APBB2: variants seen among roughly 807,000 people sequenced by gnomAD.
APBB2 encodes the protein amyloid beta precursor protein binding family B member 2, also known as Fe65-like 1.
In APBB2, 38 loss-of-function variants were observed where a neutral mutation model predicts 82.5. The observed-to-expected ratio is 0.46, with a 90% CI of 0.36 to 0.60. The LOEUF (loss-of-function observed/expected upper bound fraction) is 0.60, where lower values mean the gene tolerates loss of function less well. Ranked by LOEUF, APBB2 falls within the 20% of genes least tolerant of loss-of-function variation. APBB2 has a pLI of 0.00. For synonymous variants in APBB2, 341 were observed against 368.2 expected, an observed-to-expected ratio of 0.93 and a Z score of 0.85; for missense variants, 772 against 972.3, an observed-to-expected ratio of 0.79 and a Z score of 2.74.
At chr4:41,028,312 G>A (rs1340957524) in intron 5 of APBB2, among the ~76,000 whole-genome samples, 1 of 152,232 alleles carries the variant, frequency 6.6e-6, no homozygotes, top group Non-Finnish European at 1.5e-5. Flanking sequence ...ATTTCAGGGG[G>A]CACATGGCCA....
chr4:41,030,037 T>A (rs1449949188), intron 5 of APBB2, among the ~76,000 whole-genome samples: 1 of 152,136 alleles, frequency 6.6e-6, no homozygotes, highest in Non-Finnish European at 1.5e-5. Flanking sequence ...ATGCCTGTAG[T>A]CCCAGCTACT....
At position 41,064,054 on chromosome 4, in the gene APBB2, C is replaced by G. The variant is rs369369930; in HGVS notation, c.-51+1522G>C. Among the ~76,000 whole-genome samples, 79 of 147,368 alleles carry G rather than the reference C, an allele frequency of 5.4e-4. 1 individual carries two copies. The highest frequency in any genetic ancestry group is 1.8e-3 in the African/African-American group (72 of 39,824). On this transcript the variant is annotated intron_variant, in intron 4 of 17. Transcript: ENST00000508593. The stretch of plus-strand genomic sequence containing the variant: ...AGTGCAGTGGCGCGATCTCGGTTCA[C>G]TGCAAGCTCCGCTTCCCGGGTTCAC...
At chr4:40,996,541 C>T (rs760969459) in intron 6 of APBB2, among the ~76,000 whole-genome samples, 44 of 152,308 alleles carry the variant, frequency 2.9e-4, no homozygotes, top group South Asian at 8.3e-4. Context: ...CAGTCCTTGG[C>T]TATTATTCCC....
chr4:40,857,178 C>T, intron 12 of APBB2: 4 of 981,266 alleles, frequency 4.1e-6, no homozygotes, highest in Non-Finnish European at 4.8e-6. Flanking sequence ...GCCCGCGCCT[C>T]CCTGCGCCCT....
intron 2 of APBB2, chr4:41,118,026 C>G (rs1338292300): frequency 6.7e-6 from 1 of 150,358 alleles, no homozygotes; most frequent in African/African-American, 2.4e-5. Context: ...CTGGGCAACA[C>G]GGAGAAACTG....
intron 6 of APBB2, among the ~76,000 whole-genome samples, chr4:41,001,231 T>TG (rs199747896): frequency 0.011 from 1,646 of 152,302 alleles, 24 homozygotes; most frequent in African/African-American, 0.038. Context: ...TACAACATTT[T>TG]GGGGAAAGGT....
chr4:40,982,659 T>C (rs1799398294), intron 6 of APBB2, among the ~76,000 whole-genome samples: 1 of 151,010 alleles, frequency 6.6e-6, no homozygotes, highest in Admixed American at 6.6e-5. Context: ...TTAGAGGTGA[T>C]ACACACCTCT....
Position 41,127,655 on chromosome 4 carries a change from C to A in APBB2, c.-261+15332G>T. On this transcript the variant is annotated intron_variant, in intron 2 of 17. Transcript: ENST00000508593. This position sits in a 1 kb window ranked among gnomAD's most constrained non-coding sequence, Gnocchi z 4.8. The stretch of plus-strand genomic sequence containing the variant: ...GAATCTAGGAGGAACTTAAACAATT[C>A]AATAAGCAAAAAAACAAATAACTCC... Among the ~76,000 whole-genome samples, 1 of 152,198 alleles carries A rather than the reference C, an allele frequency of 6.6e-6. No homozygotes were observed. Among genetic ancestry groups the A allele is most frequent in the East Asian group, 1.9e-4 (1 of 5,182 alleles).
intron 11 of APBB2, 48 bp downstream of exon 11, chr4:40,893,217 C>A (rs776725023): frequency 6.3e-7 from 1 of 1,593,184 alleles, no homozygotes; most frequent in Non-Finnish European, 8.6e-7. Context: ...TCCTGAAATG[C>A]AGGAGAACGT....
At chr4:41,019,412 A>G (rs756045673) in intron 5 of APBB2, among the ~76,000 whole-genome samples, 2 of 152,186 alleles carry the variant, frequency 1.3e-5, no homozygotes, top group African/African-American at 4.8e-5. Context: ...CGGTAAGGAC[A>G]AGGACAGACA....
At chr4:41,115,170 A>G (rs1750563514) in intron 2 of APBB2, among the ~76,000 whole-genome samples, 1 of 152,218 alleles carries the variant, frequency 6.6e-6, no homozygotes, top group South Asian at 2.1e-4. Context: ...ATAACGCCAC[A>G]CAGCTACAAC....
intron 1 of APBB2, among the ~76,000 whole-genome samples, chr4:41,161,170 C>CAAAAA (rs33917178): frequency 8.1e-5 from 7 of 86,256 alleles, no homozygotes; most frequent in East Asian, 4.0e-4. Context: ...TCTTCCCTGG[C>CAAAAA]AAAAAAAAAA....
chr4:40,835,575 C>A (rs1166154865), intron 12 of APBB2, among the ~76,000 whole-genome samples: 1 of 152,236 alleles, frequency 6.6e-6, no homozygotes, highest in Non-Finnish European at 1.5e-5. Flanking sequence ...ATGCCCCAGG[C>A]ACTGTGGTGA....
At chr4:40,968,570 C>T (rs1453807194) in intron 6 of APBB2, among the ~76,000 whole-genome samples, 1 of 152,124 alleles carries the variant, frequency 6.6e-6, no homozygotes, top group Non-Finnish European at 1.5e-5. Context: ...AATATGGCTT[C>T]TCCTCTCTTT....
intron 12 of APBB2, among the ~76,000 whole-genome samples, chr4:40,848,551 G>C (rs1458184751): frequency 6.6e-6 from 1 of 152,176 alleles, no homozygotes; most frequent in African/African-American, 2.4e-5. Context: ...CCTCTGCTCT[G>C]CCTTTCTCTC....
At chr4:40,870,179 G>A (rs560375136) in intron 12 of APBB2, among the ~76,000 whole-genome samples, 1 of 152,228 alleles carries the variant, frequency 6.6e-6, no homozygotes, top group South Asian at 2.1e-4. Flanking sequence ...ACTTCACTAA[G>A]AAAAATAAAT....
chr4:41,160,344 T>C (rs371744057), intron 1 of APBB2, among the ~76,000 whole-genome samples: 46 of 152,324 alleles, frequency 3.0e-4, no homozygotes, highest in East Asian at 2.9e-3. Flanking sequence ...CTGCAAATGA[T>C]AGGACATGAC....
At chr4:40,831,193 T>G (rs557339387) in intron 12 of APBB2, among the ~76,000 whole-genome samples, 5 of 151,366 alleles carry the variant, frequency 3.3e-5, no homozygotes, top group Admixed American at 6.6e-5. Context: ...AGGTCAGGAG[T>G]TGGAGACCAG....
intron 12 of APBB2, among the ~76,000 whole-genome samples, chr4:40,871,992 T>C (rs1223117131): frequency 6.6e-6 from 1 of 152,196 alleles, no homozygotes; most frequent in Admixed American, 6.5e-5. Flanking sequence ...CAGGGCATGG[T>C]GTGCTGTGAA....
Sources: gnomAD v4.1 joint callset for allele counts (sites outside exome capture counted in the v4.1 genomes callset) on GRCh38, gnomAD v4.1.1 for gene constraint, Gnocchi (gnomAD v3.1) non-coding constraint, MANE v1.5 for transcripts, NCBI Gene and HGNC (gene_info 2026-07-23, HGNC 2026-07-21) for gene names.